The following NAA50 variants were observed in gnomAD, a reference collection of about 807,000 sequenced individuals.
NAA50 encodes the protein N-alpha-acetyltransferase 50.
A neutral mutation model predicts 20.7 loss-of-function variants in NAA50; 7 were observed. That is an observed-to-expected ratio of 0.34 (90% CI 0.19 to 0.63). The LOEUF is 0.63. NAA50 is among the 30% of genes least tolerant of loss of function. The pLI is 0.75. For synonymous variants in NAA50, 54 were observed against 70.6 expected (o/e 0.77, Z 1.18); for missense variants, 111 against 199.1 (o/e 0.56, Z 2.66).
chr3:113,745,795 G>A (rs1026125848), intron 1 of NAA50, 147 bp downstream of exon 1: 21 of 994,694 alleles, frequency 2.1e-5, no homozygotes, highest in Non-Finnish European at 2.7e-5. Context: ...CGCCCCCTCC[G>A]GGAGCCGAGG....
chr3:113,722,441 G>C (rs1184182467), intron 4 of NAA50, among the ~76,000 whole-genome samples: 1 of 152,052 alleles, frequency 6.6e-6, no homozygotes, highest in Non-Finnish European at 1.5e-5. Context: ...ATCCATGACT[G>C]TGATCTTAGT....
intron 1 of NAA50, among the ~76,000 whole-genome samples, chr3:113,725,437 T>C (rs1708187853): frequency 6.6e-6 from 1 of 152,118 alleles, no homozygotes; most frequent in Non-Finnish European, 1.5e-5. Flanking sequence ...TATTTTGAAA[T>C]GTTAAAATTT....
At chr3:113,741,328 G>C in intron 1 of NAA50, 1 of 339,162 alleles carries the variant, frequency 2.9e-6, no homozygotes, top group Non-Finnish European at 5.8e-6. Context: ...ACTGTAGCTA[G>C]TCACGACTGT....
chr3:113,726,897 T>G (rs547516266), intron 1 of NAA50, among the ~76,000 whole-genome samples: 1 of 152,236 alleles, frequency 6.6e-6, no homozygotes, highest in Non-Finnish European at 1.5e-5. Flanking sequence ...CAGGCTCAAG[T>G]GATCTTCCCA....
rs1708087246 is a variant in NAA50, at chr3:113,718,257, T to A, written c.*3503A>T. The A allele has an allele frequency of 6.6e-6, 1 of 152,126 alleles. No individual in the cohort carries two copies. Among genetic ancestry groups the A allele is most frequent in the African/African-American group, 2.4e-5 (1 of 41,400 alleles). 9.4% of individuals were successfully genotyped at this position (152,126 alleles called of 1,614,324 possible). A position where few individuals can be genotyped will look rare whatever the true frequency, so the allele number is the denominator to read the frequency against. On this transcript the variant is annotated 3_prime_UTR_variant, in exon 5 of 5. Coordinates refer to ENST00000240922, the MANE Select transcript of NAA50 (RefSeq NM_025146.4). ...GCCCAAGAGCCACGTAAGCAAGACA[T>A]CTTGGAAATGGCTCCTCTAGCCTTG...
At chr3:113,730,174 G>C (rs1708253972) in intron 1 of NAA50, among the ~76,000 whole-genome samples, 1 of 152,088 alleles carries the variant, frequency 6.6e-6, no homozygotes. Flanking sequence ...GGTGGCGCGT[G>C]CCTTTAGTCC....
intron 1 of NAA50, chr3:113,741,104 T>C: frequency 1.8e-6 from 1 of 547,710 alleles, no homozygotes; most frequent in Non-Finnish European, 3.6e-6. Flanking sequence ...CAGAAAGTTA[T>C]GTGGATGACT....
intron 1 of NAA50, 28 bp from the exon 2 acceptor site, chr3:113,724,123 A>T: frequency 6.6e-7 from 1 of 1,519,430 alleles, no homozygotes. Context: ...GTACTCAATA[A>T]AACATAATTA....
At chr3:113,728,593 T>A (rs1461812506) in intron 1 of NAA50, among the ~76,000 whole-genome samples, 11 of 152,246 alleles carry the variant, frequency 7.2e-5, no homozygotes, top group Non-Finnish European at 1.6e-4. Context: ...ACATCAAGTA[T>A]GCTTGTGTAT....
intron 1 of NAA50, among the ~76,000 whole-genome samples, chr3:113,737,709 T>C (rs1376931651): frequency 6.6e-6 from 1 of 152,224 alleles, no homozygotes; most frequent in African/African-American, 2.4e-5. Flanking sequence ...GGGGCTACAT[T>C]ATTCTTTGTT....
Position 113,725,155 on chromosome 3 carries a change from G to C in NAA50, c.9-1060C>G, listed in dbSNP as rs186890161. Reference sequence around the variant, plus strand: ...TCTAACAAAGTATCAAAGGTATTCTGCCTGCAGAGCTGTAAACAAAGAATT... The same window carrying C: ...TCTAACAAAGTATCAAAGGTATTCTCCCTGCAGAGCTGTAAACAAAGAATT... On this transcript the variant is annotated intron_variant, in intron 1 of 4. Coordinates refer to ENST00000240922, the MANE Select transcript of NAA50 (RefSeq NM_025146.4). Among the ~76,000 whole-genome samples the C allele has an allele frequency of 3.1e-4, 47 of 152,274 alleles. 2 individuals are homozygous for C. The East Asian group carries it at 6.7e-3, about 22-fold the overall frequency.
At chr3:113,725,395 A>G (rs1362864519) in intron 1 of NAA50, among the ~76,000 whole-genome samples, 1 of 152,222 alleles carries the variant, frequency 6.6e-6, no homozygotes, top group African/African-American at 2.4e-5. Context: ...AAGGATTTTA[A>G]TTTGTAGTAG....
rs2107999622 is a variant in NAA50, at chr3:113,746,147, G to A, written c.-198C>T. ...TCTGGTGGGGGCGGGAGTGTCTCCCGCCGCCGCGCTTGTGCCGCCGCTTCT... is the reference window on the plus strand; with the variant it reads ...TCTGGTGGGGGCGGGAGTGTCTCCCACCGCCGCGCTTGTGCCGCCGCTTCT... On this transcript the variant is annotated 5_prime_UTR_variant, in exon 1 of 5. Coordinates refer to ENST00000240922, the MANE Select transcript of NAA50 (RefSeq NM_025146.4). 3 of 594,930 alleles carry A rather than the reference G, an allele frequency of 5.0e-6. No homozygotes were observed. The highest frequency in any genetic ancestry group is 8.4e-6 in the Non-Finnish European group (3 of 356,606). 36.9% of individuals were successfully genotyped at this position (594,930 alleles called of 1,614,324 possible).
At chr3:113,726,470 C>G (rs1036839419) in intron 1 of NAA50, among the ~76,000 whole-genome samples, 5 of 147,658 alleles carry the variant, frequency 3.4e-5, no homozygotes, top group African/African-American at 1.3e-4. Flanking sequence ...ACTTTCCCCA[C>G]TATCTACCAT....
intron 1 of NAA50, chr3:113,739,402 C>T (rs368399989): frequency 5.9e-5 from 9 of 152,162 alleles, no homozygotes; most frequent in African/African-American, 1.7e-4. Context: ...GCAAGAAACA[C>T]CAGAGCTTTA....
At chr3:113,728,518 C>G (rs1708229635) in intron 1 of NAA50, among the ~76,000 whole-genome samples, 2 of 152,090 alleles carry the variant, frequency 1.3e-5, no homozygotes, top group South Asian at 4.1e-4. Context: ...GAGATGCAGT[C>G]TAATAAAACA....
At chr3:113,745,042 G>A (rs985965852) in intron 1 of NAA50, among the ~76,000 whole-genome samples, 1 of 152,142 alleles carries the variant, frequency 6.6e-6, no homozygotes, top group Non-Finnish European at 1.5e-5. Flanking sequence ...ATCTCTTTGA[G>A]GGTAAAGACA....
chr3:113,722,020 C>G (rs1227815275), intron 4 of NAA50, 83 bp from the exon 5 acceptor site: 2 of 1,237,534 alleles, frequency 1.6e-6, no homozygotes, highest in African/African-American at 3.0e-5. Context: ...TAGCTCCAAA[C>G]ATCTGTTACA....
intron 1 of NAA50, among the ~76,000 whole-genome samples, chr3:113,730,590 A>G (rs1386022141): frequency 6.6e-6 from 1 of 152,232 alleles, no homozygotes; most frequent in African/African-American, 2.4e-5. Context: ...AAAACCTCCC[A>G]CATGACCCTT....
Sources: gnomAD v4.1 joint callset for allele counts (sites outside exome capture counted in the v4.1 genomes callset) on GRCh38, gnomAD v4.1.1 for gene constraint, MANE v1.5 for transcripts, NCBI Gene and HGNC (gene_info 2026-07-23, HGNC 2026-07-21) for gene names.